Variants in DIAPH3 observed in about 807,000 individuals in gnomAD.
DIAPH3 encodes the protein protein diaphanous homolog 3.
DIAPH3 carries 117 observed loss-of-function variants against 144.3 expected under a neutral mutation model. The observed-to-expected ratio is 0.81, with a 90% confidence interval of 0.70 to 0.95. DIAPH3 has a LOEUF of 0.95. Ranked by LOEUF, DIAPH3 falls within the 40% of genes least tolerant of loss-of-function variation. The pLI, the probability that DIAPH3 is intolerant of heterozygous loss-of-function variation, is 0.00. For missense variants in DIAPH3, 1,421 were observed against 1,412.7 expected (o/e 1.01, Z -0.09); for synonymous variants, 519 against 488.9 (o/e 1.06, Z -0.81).
chr13:59,901,025 C>G (rs1235110212), intron 20 of DIAPH3, among the ~76,000 whole-genome samples: 1 of 152,220 alleles, frequency 6.6e-6, no homozygotes, highest in Non-Finnish European at 1.5e-5. Flanking sequence ...GACACTGCTG[C>G]TAAGCCTGTC....
At chr13:60,027,644 C>T (rs979373406) in intron 5 of DIAPH3, among the ~76,000 whole-genome samples, 16 of 151,976 alleles carry the variant, frequency 1.1e-4, no homozygotes, top group Non-Finnish European at 1.6e-4. Context: ...AACATAGATA[C>T]TGGTATGTGC....
At chr13:59,833,037 G>A (rs1160403157) in intron 24 of DIAPH3, 70 bp downstream of exon 24, 9 of 1,134,690 alleles carry the variant, frequency 7.9e-6, no homozygotes, top group African/African-American at 6.2e-5. Context: ...AGAGTAGAAC[G>A]ATGTAATGAG....
At chr13:60,145,676 G>C (rs1951478590) in intron 1 of DIAPH3, among the ~76,000 whole-genome samples, 1 of 152,018 alleles carries the variant, frequency 6.6e-6, no homozygotes, top group Admixed American at 6.5e-5. Context: ...AGATAAATGG[G>C]CATGGAGGGG....
At chr13:60,007,599 A>G (rs2052962913) in intron 9 of DIAPH3, among the ~76,000 whole-genome samples, 1 of 152,156 alleles carries the variant, frequency 6.6e-6, no homozygotes, top group Admixed American at 6.5e-5. Flanking sequence ...AAATTTCCCA[A>G]TGTCCAGGTC....
At chr13:59,819,196 T>A (rs2139619745) in intron 24 of DIAPH3, among the ~76,000 whole-genome samples, 1 of 152,060 alleles carries the variant, frequency 6.6e-6, no homozygotes, top group African/African-American at 2.4e-5. Context: ...CTAACCTGAA[T>A]AACTTTAATT....
At chr13:60,012,688 G>T (rs1197758391) in intron 7 of DIAPH3, 1 of 152,620 alleles carries the variant, frequency 6.6e-6, no homozygotes, top group Non-Finnish European at 1.5e-5. Flanking sequence ...AGAATCCTGT[G>T]ACTCCTCCAG....
At chr13:59,803,043 CTT>C (rs1379366847) in intron 25 of DIAPH3, among the ~76,000 whole-genome samples, 1 of 152,000 alleles carries the variant, frequency 6.6e-6, no homozygotes, top group Non-Finnish European at 1.5e-5. Flanking sequence ...ATATTTTAGG[CTT>C]TGTGGGATAT....
Position 59,994,206 on chromosome 13 carries a change from T to C in DIAPH3, c.1015-1623A>G, listed in dbSNP as rs117417763. On this transcript the variant is annotated intron_variant, in intron 9 of 27. Coordinates refer to ENST00000400324, the MANE Select transcript of DIAPH3 (RefSeq NM_001042517.2). ...TAAAATTGCTTCCCAATTCTAATCA[T>C]AATTTGCCATTAGCATGGCTTACAA... Among the ~76,000 whole-genome samples the C allele has an allele frequency of 7.3e-3, 1,110 of 152,090 alleles. 9 individuals carry two copies. Among genetic ancestry groups the C allele is most frequent in the Non-Finnish European group, 0.012 (811 of 67,882 alleles).
intron 4 of DIAPH3, among the ~76,000 whole-genome samples, chr13:60,081,456 A>G (rs906958970): frequency 1.3e-5 from 2 of 152,040 alleles, no homozygotes; most frequent in African/African-American, 4.8e-5. Context: ...TTTTTAACCA[A>G]AGACATAAAT....
intron 5 of DIAPH3, among the ~76,000 whole-genome samples, chr13:60,019,489 T>C (rs1261979976): frequency 6.6e-6 from 1 of 152,090 alleles, no homozygotes; most frequent in Admixed American, 6.6e-5. Flanking sequence ...CAGGAAATAT[T>C]AAACTCTTCT....
Position 60,129,915 on chromosome 13 carries a change from G to A in DIAPH3, c.213+3042C>T, listed in dbSNP as rs950184453. On this transcript the variant is annotated intron_variant, in intron 2 of 27. Transcript: ENST00000400324. ...CCCTGGAAGGCTCAGCTGCAAATGTGTCACACCACTTCTCTGTCTGTACAT... is the reference window on the plus strand; with the variant it reads ...CCCTGGAAGGCTCAGCTGCAAATGTATCACACCACTTCTCTGTCTGTACAT... Among the ~76,000 whole-genome samples the A allele has an allele frequency of 2.0e-5, 3 of 152,108 alleles. No individual in the cohort carries two copies. In the East Asian group the frequency reaches 5.8e-4, roughly 29 times the overall value.
chr13:59,973,768 A>G (rs1424156079), intron 15 of DIAPH3, among the ~76,000 whole-genome samples: 1 of 152,066 alleles, frequency 6.6e-6, no homozygotes, highest in African/African-American at 2.4e-5. Context: ...TGAATATTCT[A>G]CCTCCTTACT....
At chr13:60,076,208 A>T (rs2057374893) in intron 4 of DIAPH3, among the ~76,000 whole-genome samples, 2 of 152,202 alleles carry the variant, frequency 1.3e-5, no homozygotes, top group Admixed American at 1.3e-4. Context: ...CTGGGTCTCC[A>T]AACTGGAAGG....
chr13:60,010,412 T>C (rs1395597194), intron 8 of DIAPH3, 121 bp downstream of exon 8: 1 of 1,094,262 alleles, frequency 9.1e-7, no homozygotes, highest in Non-Finnish European at 1.3e-6. Context: ...GCTGCTTAAA[T>C]ATACCTCAAC....
At chr13:60,125,007 A>G (rs2058949866) in intron 2 of DIAPH3, among the ~76,000 whole-genome samples, 1 of 152,136 alleles carries the variant, frequency 6.6e-6, no homozygotes, top group African/African-American at 2.4e-5. Context: ...TGAATAAGTT[A>G]CTTAAGCTCT....
At chr13:60,128,372 C>T (rs553254245) in intron 2 of DIAPH3, among the ~76,000 whole-genome samples, 2 of 152,084 alleles carry the variant, frequency 1.3e-5, no homozygotes, top group South Asian at 4.1e-4. Flanking sequence ...AATGACCATA[C>T]GTGTACATGT....
intron 27 of DIAPH3, among the ~76,000 whole-genome samples, chr13:59,685,274 G>A (rs2033156508): frequency 6.6e-6 from 1 of 151,896 alleles, no homozygotes; most frequent in Non-Finnish European, 1.5e-5. Context: ...CAAATATATC[G>A]AAATATCTGT....
chr13:60,093,066 T>C (rs1312702652), intron 4 of DIAPH3, among the ~76,000 whole-genome samples: 3 of 152,238 alleles, frequency 2.0e-5, no homozygotes, highest in Non-Finnish European at 2.9e-5. Context: ...ATAAATGCAA[T>C]TGATTCTGTG....
intron 20 of DIAPH3, among the ~76,000 whole-genome samples, chr13:59,884,922 G>A (rs1566465823): frequency 6.6e-6 from 1 of 152,154 alleles, no homozygotes; most frequent in East Asian, 1.9e-4. Flanking sequence ...CAAAAACAAA[G>A]TACATATGGT....
Sources: allele counts gnomAD v4.1 joint callset (sites outside exome capture counted in the v4.1 genomes callset), GRCh38; gene constraint gnomAD v4.1.1; transcripts MANE v1.5; gene names NCBI Gene and HGNC (gene_info 2026-07-23, HGNC 2026-07-21).